SLC35F3: variants seen among roughly 807,000 people sequenced by gnomAD.
The protein encoded by SLC35F3 is solute carrier family 35 member F3.
SLC35F3 carries 25 observed loss-of-function variants against 49.9 expected under a neutral mutation model. That is an observed-to-expected ratio of 0.50 (90% CI 0.37 to 0.70). The LOEUF is 0.70. SLC35F3 is among the 30% of genes least tolerant of loss of function. SLC35F3 has a pLI of 0.00. For synonymous variants in SLC35F3, 275 were observed against 265.4 expected, an observed-to-expected ratio of 1.04 and a Z score of -0.35; for missense variants, 525 against 639.8, an observed-to-expected ratio of 0.82 and a Z score of 1.94.
chr1:234,126,476 C>CGTGTGTGT (rs147108235), intron 2 of SLC35F3, among the ~76,000 whole-genome samples: 10 of 119,266 alleles, frequency 8.4e-5, no homozygotes, highest in African/African-American at 2.2e-4. Context: ...CCCTGTTTTA[C>CGTGTGTGT]ATGTGTGTGT....
At chr1:234,189,150 C>T (rs892552853) in intron 2 of SLC35F3, among the ~76,000 whole-genome samples, 2 of 151,776 alleles carry the variant, frequency 1.3e-5, no homozygotes, top group African/African-American at 4.8e-5. Context: ...AAACAAGGTT[C>T]TTTAACACCT....
intron 2 of SLC35F3, among the ~76,000 whole-genome samples, chr1:234,162,252 A>C (rs1189180793): frequency 6.6e-6 from 1 of 151,776 alleles, no homozygotes; most frequent in Non-Finnish European, 1.5e-5. Context: ...GTCTGTGGCT[A>C]CGATGCTGTG....
intron 2 of SLC35F3, among the ~76,000 whole-genome samples, chr1:234,164,501 A>G (rs4354595): frequency 0.15 from 22,720 of 151,838 alleles, 5,410 homozygotes; most frequent in African/African-American, 0.51. Context: ...CTGAGCAAGT[A>G]CCATCCACCA....
chr1:234,009,802 T>C (rs1161261247), intron 2 of SLC35F3, among the ~76,000 whole-genome samples: 2 of 152,164 alleles, frequency 1.3e-5, no homozygotes, highest in African/African-American at 4.8e-5. Flanking sequence ...TATCAGCAGA[T>C]TGCTCAGCAG....
At chr1:234,233,377 G>A (rs1667414840) in intron 3 of SLC35F3, among the ~76,000 whole-genome samples, 1 of 152,246 alleles carries the variant, frequency 6.6e-6, no homozygotes, top group Admixed American at 6.5e-5. Flanking sequence ...AGAATTATTG[G>A]GAGAGAAGAT....
chr1:234,179,147 T>G (rs545991705), intron 2 of SLC35F3, among the ~76,000 whole-genome samples: 1 of 152,168 alleles, frequency 6.6e-6, no homozygotes, highest in African/African-American at 2.4e-5. Context: ...AGCTGAGAAC[T>G]TCCTCAGCTG....
At chr1:234,245,767 T>C (rs10910393) in intron 3 of SLC35F3, among the ~76,000 whole-genome samples, 1 of 152,030 alleles carries the variant, frequency 6.6e-6, no homozygotes, top group East Asian at 1.9e-4. Flanking sequence ...GGGTCTACAC[T>C]TGGCCTCTTC....
intron 3 of SLC35F3, among the ~76,000 whole-genome samples, chr1:234,248,066 A>G (rs1157492655): frequency 2.7e-5 from 4 of 148,366 alleles, no homozygotes; most frequent in East Asian, 2.1e-4. Context: ...TCTATTGTTC[A>G]GTAGGTTGGT....
chr1:234,124,035 GA>G (rs1229191494), intron 2 of SLC35F3, among the ~76,000 whole-genome samples: 5 of 152,206 alleles, frequency 3.3e-5, no homozygotes, highest in Non-Finnish European at 5.9e-5. Context: ...CTGTGAGTTT[GA>G]TGATGTCACA....
chr1:234,262,012 C>T (rs185940041), intron 3 of SLC35F3, among the ~76,000 whole-genome samples: 1 of 152,326 alleles, frequency 6.6e-6, no homozygotes, highest in Admixed American at 6.5e-5. Flanking sequence ...CACCCCAGGA[C>T]AGTTGCCTGG....
chr1:233,923,442 T>C (rs1662101834), intron 2 of SLC35F3, among the ~76,000 whole-genome samples: 1 of 152,216 alleles, frequency 6.6e-6, no homozygotes, highest in African/African-American at 2.4e-5. Flanking sequence ...GATTTGGCTC[T>C]CTGTTTGTCT....
At chr1:234,253,329 C>A (rs1457193526) in intron 3 of SLC35F3, among the ~76,000 whole-genome samples, 6 of 148,644 alleles carry the variant, frequency 4.0e-5, no homozygotes, top group African/African-American at 1.5e-4. Context: ...AACTTCATCT[C>A]AAAAAAAATA....
Position 234,086,299 on chromosome 1 carries a change from G to A in SLC35F3, c.284-145118G>A, listed in dbSNP as rs117776222. Among the ~76,000 whole-genome samples, 94 of 152,290 alleles carry A rather than the reference G, an allele frequency of 6.2e-4. 1 individual carries two copies. In the East Asian group the frequency reaches 0.016, roughly 25 times the overall value. On this transcript the variant is annotated intron_variant, in intron 2 of 7. Coordinates refer to ENST00000366618, the MANE Select transcript of SLC35F3 (RefSeq NM_173508.4). Reference sequence around the variant, plus strand: ...AAGCTTAAGGTGCATTCTGAGGAACGGGAGAAATGAGTCAGGGGCTGAATG... The same window carrying A: ...AAGCTTAAGGTGCATTCTGAGGAACAGGAGAAATGAGTCAGGGGCTGAATG...
intron 2 of SLC35F3, among the ~76,000 whole-genome samples, chr1:233,986,192 A>T (rs1250843416): frequency 1.3e-5 from 2 of 152,210 alleles, no homozygotes; most frequent in East Asian, 3.8e-4. Flanking sequence ...TGCCCTTATT[A>T]GTCTGTTTTT....
chr1:234,188,022 A>G (rs374990083), intron 2 of SLC35F3, among the ~76,000 whole-genome samples: 5 of 151,924 alleles, frequency 3.3e-5, no homozygotes, highest in African/African-American at 1.2e-4. Context: ...CGGATCACGA[A>G]GTCAGGAGAT....
chr1:234,316,835 T>A, intron 5 of SLC35F3, 108 bp downstream of exon 5: 7 of 1,383,876 alleles, frequency 5.1e-6, no homozygotes, highest in Non-Finnish European at 9.8e-7. Context: ...ATGATACCTG[T>A]GCTTCAGGAC....
chr1:234,254,978 G>T (rs1667796049), intron 3 of SLC35F3, among the ~76,000 whole-genome samples: 1 of 152,150 alleles, frequency 6.6e-6, no homozygotes, highest in Non-Finnish European at 1.5e-5. Flanking sequence ...CAAGGTCTTT[G>T]TTATTACAAG....
At chr1:234,062,344 C>T (rs1293345657) in intron 2 of SLC35F3, among the ~76,000 whole-genome samples, 1 of 152,178 alleles carries the variant, frequency 6.6e-6, no homozygotes, top group Non-Finnish European at 1.5e-5. Flanking sequence ...CCTGGTCACA[C>T]CTAGTTATTA....
rs910976577 is a variant in SLC35F3, at chr1:233,905,709, G to T, written c.234G>T (p.Leu78=). The T allele has an allele frequency of 2.5e-6, 4 of 1,614,210 alleles. No individual in the cohort carries two copies. The highest frequency in any genetic ancestry group is 3.4e-6 in the Non-Finnish European group (4 of 1,180,038). ...TCACGTCCATCGAGGAGCGGATCCT[G>T]CGCATCACTGGCTACTATGGCTACC... ...VGLTSIEERI[L]RITGYYGYQP... The change falls in exon 2 of 8, where the codon CTG becomes CTT. Residue 78 remains leucine, a synonymous_variant. Coordinates refer to ENST00000366618, the MANE Select transcript of SLC35F3 (RefSeq NM_173508.4).
Sources: gnomAD v4.1 joint callset for allele counts (sites outside exome capture counted in the v4.1 genomes callset) on GRCh38, gnomAD v4.1.1 for gene constraint, MANE v1.5 for transcripts, NCBI Gene and HGNC (gene_info 2026-07-23, HGNC 2026-07-21) for gene names.